Variants in RNF19A observed in about 807,000 individuals in gnomAD.
RNF19A encodes E3 ubiquitin-protein ligase RNF19A.
RNF19A carries 32 observed loss-of-function variants against 75.7 expected under a neutral mutation model. The observed-to-expected ratio is 0.42, with a 90% confidence interval of 0.32 to 0.57. RNF19A has a LOEUF of 0.57. Ranked by LOEUF, RNF19A falls within the 20% of genes least tolerant of loss-of-function variation. The pLI, the probability that RNF19A is intolerant of heterozygous loss-of-function variation, is 0.10. For synonymous variants in RNF19A, 335 were observed against 345.2 expected (o/e 0.97, Z 0.33); for missense variants, 782 against 1,036.3 (o/e 0.75, Z 3.37).
At chr8:100,278,985 A>G (rs1404373656) in intron 2 of RNF19A, among the ~76,000 whole-genome samples, 1 of 152,170 alleles carries the variant, frequency 6.6e-6, no homozygotes, top group African/African-American at 2.4e-5. Context: ...TTGTATTTCT[A>G]ACTCTGTTCA....
chr8:100,264,638 G>A lies in RNF19A; in HGVS notation c.1306+33C>T, dbSNP rs1819884078. 7 of 1,342,232 alleles carry A rather than the reference G, an allele frequency of 5.2e-6. No homozygotes were observed. Among genetic ancestry groups the A allele is most frequent in the Non-Finnish European group, 7.4e-6 (7 of 949,256 alleles). 83.1% of individuals were successfully genotyped at this position (1,342,232 alleles called of 1,614,324 possible). A position where few individuals can be genotyped will look rare whatever the true frequency, so the allele number is the denominator to read the frequency against. Reference sequence around the variant, plus strand: ...CACAAAACTTTAACTCCATAAAATTGTAGGTAATTAGTACTTTTCAGCATT... The same window carrying A: ...CACAAAACTTTAACTCCATAAAATTATAGGTAATTAGTACTTTTCAGCATT... On this transcript the variant is annotated intron_variant, in intron 6 of 9. Coordinates refer to ENST00000341084, the MANE Select transcript of RNF19A (RefSeq NM_183419.4). The surrounding 1 kb of genome is among the most constrained non-coding windows in gnomAD (Gnocchi z 4.7).
rs1322618823 is a variant in RNF19A at position 100,264,553 on chromosome 8, C to T, written c.1306+118G>A. On this transcript the variant is annotated intron_variant, in intron 6 of 9. Coordinates refer to ENST00000341084, the MANE Select transcript of RNF19A (RefSeq NM_183419.4). The surrounding 1 kb of genome is among the most constrained non-coding windows in gnomAD (Gnocchi z 4.7). ...GAATCTGTAATACTTTCAACCAAGA[C>T]TTACTGCAGGCTCAATTTAAATTGT... is the stretch of plus-strand genomic sequence containing the variant. The T allele has an allele frequency of 2.9e-6, 2 of 698,686 alleles. No individual in the cohort carries two copies. The highest frequency in any genetic ancestry group is 1.8e-5 in the African/African-American group (1 of 55,668). The allele number at this position is 698,686 out of a possible 1,614,324, so 43.3% of individuals were successfully genotyped here.
At chr8:100,299,179 C>T (rs1042163215) in intron 1 of RNF19A, among the ~76,000 whole-genome samples, 3 of 152,106 alleles carry the variant, frequency 2.0e-5, no homozygotes, top group Non-Finnish European at 4.4e-5. Context: ...TTTCCATATT[C>T]GAAAACTAAG....
Position 100,287,710 on chromosome 8 carries a change from A to G in RNF19A, c.465T>C (p.Cys155=), listed in dbSNP as rs1821088429. ...TTAAATATTGTCGTAAGCAATCCAC[A>G]CAAGATCTGTGATGACAAGTCATTA... ...PDIMTCHHRS[C]VDCLRQYLRI... is the part of the protein sequence containing the mutation. The change falls in exon 2 of 10, where the codon TGT becomes TGC. Residue 155 remains cysteine (C), a synonymous_variant. Coordinates refer to ENST00000341084, the MANE Select transcript of RNF19A (RefSeq NM_183419.4). This position sits in a 1 kb window ranked among gnomAD's most constrained non-coding sequence, Gnocchi z 4.1. 1 of 1,614,028 alleles carries G rather than the reference A, an allele frequency of 6.2e-7. No individual in the cohort carries two copies. Among genetic ancestry groups the G allele is most frequent in the Admixed American group, 1.7e-5 (1 of 60,008 alleles).
chr8:100,277,099 A>G (rs1586626154), intron 2 of RNF19A, among the ~76,000 whole-genome samples: 2 of 152,236 alleles, frequency 1.3e-5, no homozygotes, highest in African/African-American at 4.8e-5. Context: ...CTTTGAAAGC[A>G]GCAACAATCA....
intron 1 of RNF19A, among the ~76,000 whole-genome samples, chr8:100,292,783 C>A (rs1162556491): frequency 2.0e-5 from 3 of 152,120 alleles, no homozygotes; most frequent in African/African-American, 4.8e-5. Flanking sequence ...TTTTTAATTT[C>A]TTATTTTTGA....
At chr8:100,270,327 G>C (rs1023871228) in intron 3 of RNF19A, among the ~76,000 whole-genome samples, 1 of 152,092 alleles carries the variant, frequency 6.6e-6, no homozygotes, top group Non-Finnish European at 1.5e-5. Context: ...CGTAAAGTTT[G>C]TCTTTGTCCT....
upstream of RNF19A, among the ~76,000 whole-genome samples, chr8:100,311,717 CAAAAAAAA>C (rs55695585): frequency 1.0e-4 from 9 of 89,910 alleles, no homozygotes; most frequent in African/African-American, 2.8e-4. Context: ...GACTCCGTCT[CAAAAAAAA>C]AAAAAAAAAA....
intron 5 of RNF19A, among the ~76,000 whole-genome samples, chr8:100,268,285 G>A (rs1026658305): frequency 1.3e-5 from 2 of 151,832 alleles, no homozygotes; most frequent in African/African-American, 4.8e-5. Flanking sequence ...GGTAGTCACT[G>A]GTGTTTGGAC....
chr8:100,291,926 A>AC (rs1337873802), intron 1 of RNF19A, among the ~76,000 whole-genome samples: 1 of 146,520 alleles, frequency 6.8e-6, no homozygotes, highest in Non-Finnish European at 1.5e-5. Flanking sequence ...ACAGCATGTG[A>AC]CAATATTTAC....
chr8:100,287,729 G>C lies in RNF19A; in HGVS notation c.446C>G (p.Thr149Ser). 1.2e-6 allele frequency: 2 copies of C among 1,614,006 alleles called. No homozygotes were observed. Among genetic ancestry groups the C allele is most frequent in the Non-Finnish European group, 1.7e-6 (2 of 1,179,964 alleles). ...HSKDRFPDIM[T>S]CHHRSCVDCL... is the part of the protein sequence containing the mutation. Reference sequence around the variant, plus strand: ...ATCCACACAAGATCTGTGATGACAAGTCATTATATCAGGAAATCTGTCTTT... The same window carrying C: ...ATCCACACAAGATCTGTGATGACAACTCATTATATCAGGAAATCTGTCTTT... The change falls in exon 2 of 10, where the codon ACT becomes AGT. Residue 149 changes from threonine to serine, a missense_variant. Physicochemically the swap from Thr to Ser is moderately conservative, Grantham distance 58. This residue lies in a region of RNF19A where 85 missense variants were observed against 177.7 expected (regional missense o/e 0.48). Coordinates refer to ENST00000341084, the MANE Select transcript of RNF19A (RefSeq NM_183419.4). This position sits in a 1 kb window ranked among gnomAD's most constrained non-coding sequence, Gnocchi z 4.1.
intron 1 of RNF19A, among the ~76,000 whole-genome samples, chr8:100,295,303 T>C (rs1821502085): frequency 6.6e-6 from 1 of 152,244 alleles, no homozygotes; most frequent in Non-Finnish European, 1.5e-5. Context: ...TAGTAGACTT[T>C]AGATACTTTT....
intron 2 of RNF19A, among the ~76,000 whole-genome samples, chr8:100,286,616 G>T (rs1428298815): frequency 6.6e-6 from 1 of 152,126 alleles, no homozygotes; most frequent in Non-Finnish European, 1.5e-5. Flanking sequence ...TTAAATAGTG[G>T]ATTTGATTCA....
intron 1 of RNF19A, among the ~76,000 whole-genome samples, chr8:100,290,352 T>C (rs1323888633): frequency 6.6e-6 from 1 of 152,200 alleles, no homozygotes; most frequent in East Asian, 1.9e-4. Flanking sequence ...TCCGCCCGCC[T>C]TGGCCTCCCA....
chr8:100,288,799 G>T (rs749313047), intron 1 of RNF19A, among the ~76,000 whole-genome samples: 3 of 152,082 alleles, frequency 2.0e-5, no homozygotes, highest in African/African-American at 7.2e-5. Flanking sequence ...GGTGGCTCAC[G>T]CCTGTAATCC....
chr8:100,270,386 C>G (rs1483129211), intron 3 of RNF19A, among the ~76,000 whole-genome samples: 1 of 152,072 alleles, frequency 6.6e-6, no homozygotes, highest in Admixed American at 6.5e-5. Flanking sequence ...CAGAACTTTT[C>G]TAACCATCTT....
In RNF19A at chr8:100,258,066, G is replaced by T. The variant is rs1374933545; in HGVS notation, c.*490C>A. ...CACATTGCATATGAAGAAAAAAAAT[G>T]AAATTTATGCCGATATAAATAGAAA... On this transcript the variant is annotated 3_prime_UTR_variant, in exon 10 of 10. Transcript: ENST00000341084. The surrounding 1 kb of genome is among the most constrained non-coding windows in gnomAD (Gnocchi z 4.3). 2.5e-6 allele frequency: 1 copy of T among 398,698 alleles called. No individual in the cohort carries two copies. The highest frequency in any genetic ancestry group is 4.4e-6 in the Non-Finnish European group (1 of 226,078). The allele number at this position is 398,698 out of a possible 1,614,324, so 24.7% of individuals were successfully genotyped here.
upstream of RNF19A, chr8:100,310,091 G>A (rs927498580): frequency 6.1e-6 from 6 of 985,502 alleles, no homozygotes; most frequent in East Asian, 1.1e-4. Context: ...AACCAGCGCC[G>A]CAACTACCAC....
intron 1 of RNF19A, chr8:100,309,399 G>C: frequency 1.0e-6 from 1 of 985,776 alleles, no homozygotes; most frequent in Non-Finnish European, 1.2e-6. Flanking sequence ...AATCGGTCCC[G>C]TTAGAGCCGA....
Sources: gnomAD v4.1 joint callset for allele counts (sites outside exome capture counted in the v4.1 genomes callset) on GRCh38, gnomAD v4.1.1 for gene constraint, gnomAD v4.1.1 regional missense constraint, Gnocchi (gnomAD v3.1) non-coding constraint, MANE v1.5 for transcripts, NCBI Gene and HGNC (gene_info 2026-07-23, HGNC 2026-07-21) for gene names.